TMEM117: variants seen among roughly 807,000 people sequenced by gnomAD.
The protein encoded by TMEM117 is transmembrane protein 117.
TMEM117 carries 27 observed loss-of-function variants against 52.4 expected under a neutral mutation model. That is an observed-to-expected ratio of 0.51 (90% CI 0.38 to 0.71). The LOEUF is 0.71. TMEM117 is among the 30% of genes least tolerant of loss of function. The pLI is 0.00. For missense variants in TMEM117, 556 were observed against 630.5 expected, an observed-to-expected ratio of 0.88 and a Z score of 1.26; for synonymous variants, 215 against 206.3, an observed-to-expected ratio of 1.04 and a Z score of -0.36.
Position 43,923,720 on chromosome 12 carries a change from G to A in TMEM117, c.278-20490G>A, listed in dbSNP as rs75161650. On this transcript the variant is annotated intron_variant, in intron 2 of 7. Transcript: ENST00000266534. ...TTTTCTGTCATAATTTCAAGTTAGTGTACAATAAAAATTATCAATTTCTTT... is the reference window on the plus strand; with the variant it reads ...TTTTCTGTCATAATTTCAAGTTAGTATACAATAAAAATTATCAATTTCTTT... 2.2e-3 allele frequency among the ~76,000 whole-genome samples: 336 copies of A among 152,182 alleles called. 1 individual carries two copies. Among genetic ancestry groups the A allele is most frequent in the Non-Finnish European group, 3.0e-3 (207 of 67,992 alleles).
In TMEM117 at chr12:43,939,004, TA is replaced by T. The variant is rs145819098; in HGVS notation, c.278-5195del. On this transcript the variant is annotated intron_variant, in intron 2 of 7. Coordinates refer to ENST00000266534, the MANE Select transcript of TMEM117 (RefSeq NM_032256.3). ...GACAGAGTGAGACTCCGTCTCAAAA[TA>T]AAAAAAAAAATAAAAAATAAAAAAA... 7.2e-3 allele frequency among the ~76,000 whole-genome samples: 969 copies of T among 135,216 alleles called. 5 individuals are homozygous for T. The highest frequency in any genetic ancestry group is 0.011 in the Non-Finnish European group (661 of 60,794). The allele number at this position is 135,216 out of a possible 152,430, so 88.7% of individuals were successfully genotyped here. A position where few individuals can be genotyped will look rare whatever the true frequency, so the allele number is the denominator to read the frequency against.
At chr12:44,219,027 T>C (rs1373503572) in intron 5 of TMEM117, among the ~76,000 whole-genome samples, 1 of 152,248 alleles carries the variant, frequency 6.6e-6, no homozygotes, top group East Asian at 1.9e-4. Flanking sequence ...TTAAAAATGA[T>C]TAATCATATT....
chr12:44,053,521 G>A (rs1289528977), intron 3 of TMEM117, among the ~76,000 whole-genome samples: 1 of 151,976 alleles, frequency 6.6e-6, no homozygotes, highest in African/African-American at 2.4e-5. Context: ...TTAAATCATT[G>A]GCCATGTGAT....
chr12:44,044,783 G>A (rs1024289833), intron 3 of TMEM117, among the ~76,000 whole-genome samples: 46 of 152,340 alleles, frequency 3.0e-4, no homozygotes, highest in African/African-American at 1.0e-3. Flanking sequence ...ACAGTGAAGG[G>A]AAATCTTCCC....
intron 5 of TMEM117, among the ~76,000 whole-genome samples, chr12:44,268,423 C>G (rs1020828487): frequency 1.3e-5 from 2 of 152,024 alleles, no homozygotes; most frequent in Admixed American, 1.3e-4. Context: ...GGATTACAGA[C>G]ATGAGCCACA....
chr12:44,116,864 A>G (rs1447079676), intron 3 of TMEM117, among the ~76,000 whole-genome samples: 2 of 152,180 alleles, frequency 1.3e-5, no homozygotes, highest in Admixed American at 6.5e-5. Flanking sequence ...CTAGTTCCTT[A>G]GTTAGGCTCT....
At chr12:44,340,053 G>A (rs371693374) in intron 6 of TMEM117, among the ~76,000 whole-genome samples, 5 of 151,984 alleles carry the variant, frequency 3.3e-5, no homozygotes, top group African/African-American at 1.2e-4. Flanking sequence ...AACTGGATTA[G>A]GATAGAGATT....
At chr12:43,988,404 A>G (rs1304240041) in intron 3 of TMEM117, among the ~76,000 whole-genome samples, 1 of 152,146 alleles carries the variant, frequency 6.6e-6, no homozygotes, top group African/African-American at 2.4e-5. Flanking sequence ...CACATTTTTC[A>G]TATTTTAATG....
chr12:44,063,431 A>C (rs910496431), intron 3 of TMEM117, among the ~76,000 whole-genome samples: 1 of 152,156 alleles, frequency 6.6e-6, no homozygotes, highest in African/African-American at 2.4e-5. Flanking sequence ...CTATGTGGTT[A>C]AATAGAATCC....
At chr12:44,104,556 T>A (rs1430608841) in intron 3 of TMEM117, among the ~76,000 whole-genome samples, 1 of 152,046 alleles carries the variant, frequency 6.6e-6, no homozygotes, top group Non-Finnish European at 1.5e-5. Flanking sequence ...TTTCCTTAAC[T>A]TATTTTCTTT....
At chr12:44,361,487 T>G (rs1017441818) in intron 6 of TMEM117, among the ~76,000 whole-genome samples, 1 of 152,194 alleles carries the variant, frequency 6.6e-6, no homozygotes, top group African/African-American at 2.4e-5. Flanking sequence ...TGAGCTTTCT[T>G]GGAGGCAAGA....
intron 6 of TMEM117, among the ~76,000 whole-genome samples, chr12:44,351,262 T>C (rs1951558269): frequency 6.6e-6 from 1 of 152,010 alleles, no homozygotes; most frequent in South Asian, 2.1e-4. Flanking sequence ...TATTAATCCC[T>C]TGTCAGACCG....
At chr12:43,988,477 C>T (rs1203906115) in intron 3 of TMEM117, among the ~76,000 whole-genome samples, 1 of 152,010 alleles carries the variant, frequency 6.6e-6, no homozygotes, top group African/African-American at 2.4e-5. Context: ...ATTTCTTCTC[C>T]TTCAGGAAAG....
At chr12:43,983,201 TGGTA>T (rs1946220327) in intron 3 of TMEM117, among the ~76,000 whole-genome samples, 1 of 152,182 alleles carries the variant, frequency 6.6e-6, no homozygotes, top group Admixed American at 6.5e-5. Context: ...TACAAGTCTC[TGGTA>T]GGCTTTGCAG....
At chr12:44,156,326 G>A (rs770026938) in intron 4 of TMEM117, among the ~76,000 whole-genome samples, 23 of 152,058 alleles carry the variant, frequency 1.5e-4, no homozygotes, top group Non-Finnish European at 2.9e-4. Flanking sequence ...TCATTAAGCT[G>A]TCAATATTTG....
At chr12:43,941,604 A>G (rs1220993265) in intron 2 of TMEM117, among the ~76,000 whole-genome samples, 2 of 152,198 alleles carry the variant, frequency 1.3e-5, no homozygotes, top group Non-Finnish European at 2.9e-5. Context: ...ATATGTTTCT[A>G]ACATTCGAGG....
intron 3 of TMEM117, among the ~76,000 whole-genome samples, chr12:44,020,138 A>G (rs1246059492): frequency 3.3e-5 from 5 of 152,256 alleles, no homozygotes; most frequent in Admixed American, 3.3e-4. Flanking sequence ...TTTTTGGTCA[A>G]ATTCAATGAT....
chr12:44,045,626 C>T (rs745385861), intron 3 of TMEM117, among the ~76,000 whole-genome samples: 53 of 152,062 alleles, frequency 3.5e-4, no homozygotes, highest in Non-Finnish European at 6.3e-4. Flanking sequence ...GGTTGGATCA[C>T]GAGGTCAGGA....
chr12:43,898,069 CA>C lies in TMEM117; in HGVS notation c.278-46140del, dbSNP rs570992204. 8.4e-3 allele frequency among the ~76,000 whole-genome samples: 1,282 copies of C among 151,724 alleles called. 14 individuals are homozygous for C. The highest frequency in any genetic ancestry group is 0.029 in the African/African-American group (1,198 of 41,248). On this transcript the variant is annotated intron_variant, in intron 2 of 7. Coordinates refer to ENST00000266534, the MANE Select transcript of TMEM117 (RefSeq NM_032256.3). Reference sequence around the variant, plus strand: ...GCACGCACACACACACACACACACACACCGATTTCCTTCAGTTTTAGCTTCT... The same window carrying C: ...GCACGCACACACACACACACACACACCCGATTTCCTTCAGTTTTAGCTTCT...
Sources: gnomAD v4.1 joint callset for allele counts (sites outside exome capture counted in the v4.1 genomes callset) on GRCh38, gnomAD v4.1.1 for gene constraint, MANE v1.5 for transcripts, NCBI Gene and HGNC (gene_info 2026-07-23, HGNC 2026-07-21) for gene names.